THSD7B: variants seen among roughly 807,000 people sequenced by gnomAD.
THSD7B encodes the protein thrombospondin type-1 domain-containing protein 7B.
In THSD7B, 138 loss-of-function variants were observed where a neutral mutation model predicts 213.6. The observed-to-expected ratio is 0.65, with a 90% CI of 0.56 to 0.74. The LOEUF (loss-of-function observed/expected upper bound fraction) is 0.74, where lower values mean the gene tolerates loss of function less well. Among genes scored for constraint, THSD7B ranks in the 30% least tolerant of loss-of-function variants. The pLI, the probability that THSD7B is intolerant of heterozygous loss-of-function variation, is 0.00. For missense variants in THSD7B, 1,931 were observed against 1,991.5 expected (o/e 0.97, Z 0.58); for synonymous variants, 742 against 687.0 (o/e 1.08, Z -1.25).
intron 5 of THSD7B, among the ~76,000 whole-genome samples, chr2:137,150,925 G>GT (rs1679807489): frequency 6.6e-6 from 1 of 152,146 alleles, no homozygotes; most frequent in Admixed American, 6.5e-5. Context: ...AAAAGATACA[G>GT]TAAAAATACA....
At chr2:137,142,425 G>GC (rs1679604621) in intron 5 of THSD7B, among the ~76,000 whole-genome samples, 1 of 151,988 alleles carries the variant, frequency 6.6e-6, no homozygotes, top group African/African-American at 2.4e-5. Context: ...CATTACTATG[G>GC]CAAGCAAATT....
intron 2 of THSD7B, among the ~76,000 whole-genome samples, chr2:137,008,261 T>A (rs1423827395): frequency 6.6e-6 from 1 of 152,134 alleles, no homozygotes; most frequent in East Asian, 1.9e-4. Flanking sequence ...TGGGTGGAAA[T>A]GCATCTTAAT....
At chr2:137,153,119 A>G (rs1679849145) in intron 5 of THSD7B, among the ~76,000 whole-genome samples, 1 of 152,224 alleles carries the variant, frequency 6.6e-6, no homozygotes, top group Non-Finnish European at 1.5e-5. Context: ...ACATGAATAT[A>G]TGGCTGAAGG....
intron 5 of THSD7B, among the ~76,000 whole-genome samples, chr2:137,134,451 G>C (rs1462376713): frequency 6.6e-6 from 1 of 152,174 alleles, no homozygotes; most frequent in Non-Finnish European, 1.5e-5. Flanking sequence ...CTGTGCACAA[G>C]CTTACAGTGG....
At chr2:137,459,328 C>A (rs894366124) in intron 15 of THSD7B, among the ~76,000 whole-genome samples, 2 of 152,140 alleles carry the variant, frequency 1.3e-5, no homozygotes, top group African/African-American at 4.8e-5. Flanking sequence ...TGCAGAAAAA[C>A]ATTTGTTAAA....
chr2:137,462,430 C>T lies in THSD7B; in HGVS notation c.3138+11407C>T, dbSNP rs573762551. ...CTCTAGACTAACTGAGACCAAGTAGCCGTCAAATGCTGTGCATGCTATAGT... is the reference window on the plus strand; with the variant it reads ...CTCTAGACTAACTGAGACCAAGTAGTCGTCAAATGCTGTGCATGCTATAGT... On this transcript the variant is annotated intron_variant, in intron 15 of 27. Coordinates refer to ENST00000409968, the MANE Select transcript of THSD7B (RefSeq NM_001316349.2). 7.2e-5 allele frequency among the ~76,000 whole-genome samples: 11 copies of T among 152,170 alleles called. No homozygotes were observed. The South Asian group carries it at 2.1e-3, about 29-fold the overall frequency.
chr2:137,214,594 C>A (rs556002273), intron 7 of THSD7B, among the ~76,000 whole-genome samples: 1 of 151,952 alleles, frequency 6.6e-6, no homozygotes, highest in Non-Finnish European at 1.5e-5. Flanking sequence ...CCCCCCACCC[C>A]CTGACAGGCC....
intron 2 of THSD7B, among the ~76,000 whole-genome samples, chr2:136,943,431 A>G (rs910537581): frequency 6.6e-6 from 1 of 151,986 alleles, no homozygotes. Context: ...TTTTTCTATT[A>G]ATTGGAATAG....
At chr2:136,900,848 G>A (rs1684051544) in intron 2 of THSD7B, among the ~76,000 whole-genome samples, 1 of 152,144 alleles carries the variant, frequency 6.6e-6, no homozygotes, top group South Asian at 2.1e-4. Flanking sequence ...TTTTAGCATG[G>A]AGCTTGAAGT....
chr2:137,487,516 A>G (rs544528836), intron 15 of THSD7B, among the ~76,000 whole-genome samples: 205 of 151,732 alleles, frequency 1.4e-3, no homozygotes, highest in African/African-American at 4.9e-3. Context: ...AATTTAATGA[A>G]TCCAGGAGCT....
chr2:137,339,805 C>G (rs943671397), intron 12 of THSD7B, among the ~76,000 whole-genome samples: 3 of 151,312 alleles, frequency 2.0e-5, no homozygotes, highest in African/African-American at 7.3e-5. Flanking sequence ...CTTTCCTCAG[C>G]TTTTTCTTGC....
At chr2:136,875,270 A>G (rs1428389067) in intron 1 of THSD7B, among the ~76,000 whole-genome samples, 1 of 152,082 alleles carries the variant, frequency 6.6e-6, no homozygotes, top group Non-Finnish European at 1.5e-5. Context: ...AAAAATACAA[A>G]AATTAGCCAG....
intron 12 of THSD7B, among the ~76,000 whole-genome samples, chr2:137,316,812 T>C (rs958493348): frequency 6.7e-6 from 1 of 149,494 alleles, no homozygotes; most frequent in African/African-American, 2.5e-5. Context: ...TCTTATGATA[T>C]GGTAATTTTG....
chr2:137,292,368 G>T (rs1209217699), intron 12 of THSD7B, among the ~76,000 whole-genome samples: 1 of 152,118 alleles, frequency 6.6e-6, no homozygotes, highest in Non-Finnish European at 1.5e-5. Context: ...GCTGGTGGAT[G>T]GTGATATGAC....
At chr2:136,820,345 C>A (rs963765800) in intron 1 of THSD7B, among the ~76,000 whole-genome samples, 1 of 152,188 alleles carries the variant, frequency 6.6e-6, no homozygotes, top group Non-Finnish European at 1.5e-5. Flanking sequence ...TACCCTGAAC[C>A]TAGTGATCAA....
intron 17 of THSD7B, among the ~76,000 whole-genome samples, chr2:137,578,822 G>C (rs1257948216): frequency 6.6e-6 from 1 of 151,970 alleles, no homozygotes; most frequent in Non-Finnish European, 1.5e-5. Flanking sequence ...CTCTATTCTG[G>C]CTATATAGGT....
chr2:136,825,871 A>G (rs1682639716), intron 1 of THSD7B, among the ~76,000 whole-genome samples: 1 of 151,980 alleles, frequency 6.6e-6, no homozygotes, highest in Non-Finnish European at 1.5e-5. Flanking sequence ...TCTTTTAAGT[A>G]CACATATGAC....
intron 2 of THSD7B, among the ~76,000 whole-genome samples, chr2:136,933,036 G>C (rs2565219): frequency 2.6e-5 from 4 of 151,728 alleles, no homozygotes; most frequent in African/African-American, 9.7e-5. Context: ...TCTGTTACTG[G>C]AGGAATGTCT....
chr2:137,118,977 T>C (rs1688493757), intron 5 of THSD7B, among the ~76,000 whole-genome samples: 1 of 152,084 alleles, frequency 6.6e-6, no homozygotes, highest in East Asian at 1.9e-4. Context: ...TTCACTACCA[T>C]GAGAACAGTA....
Sources: gnomAD v4.1 joint callset for allele counts (sites outside exome capture counted in the v4.1 genomes callset) on GRCh38, gnomAD v4.1.1 for gene constraint, MANE v1.5 for transcripts, NCBI Gene and HGNC (gene_info 2026-07-23, HGNC 2026-07-21) for gene names.